GPATCH1: variants seen among roughly 807,000 people sequenced by gnomAD.
GPATCH1 encodes the protein G patch domain-containing protein 1.
GPATCH1 carries 73 observed loss-of-function variants against 114.9 expected under a neutral mutation model. The ratio of observed to expected loss-of-function variants is 0.64; its 90% CI spans 0.53 to 0.77. The LOEUF is 0.77. Among genes scored for constraint, GPATCH1 ranks in the 30% least tolerant of loss-of-function variants. The probability of loss-of-function intolerance (pLI) is 0.00; values close to 1 mark genes in which losing one functional copy is unlikely to be tolerated. For missense variants in GPATCH1, 1,058 were observed against 1,144.3 expected (o/e 0.92, Z 1.09); for synonymous variants, 391 against 428.4 (o/e 0.91, Z 1.08).
At chr19:33,083,597 A>G (rs7250177) in intron 1 of GPATCH1, among the ~76,000 whole-genome samples, 82,675 of 151,444 alleles carry the variant, frequency 0.55, 26,844 homozygotes, top group African/African-American at 0.88. Context: ...GTTTCGCCAT[A>G]TTGGCCAGGC....
At chr19:33,120,651 T>G in intron 17 of GPATCH1, among the ~76,000 whole-genome samples, 1 of 150,164 alleles carries the variant, frequency 6.7e-6, no homozygotes. Context: ...AGCCCAGTAG[T>G]CCGAGACAAG....
chr19:33,124,386 G>A (rs2145340999), intron 17 of GPATCH1, among the ~76,000 whole-genome samples: 1 of 151,998 alleles, frequency 6.6e-6, no homozygotes, highest in East Asian at 1.9e-4. Flanking sequence ...ATGTTGCCCA[G>A]GCTGGCCTTG....
At chr19:33,083,561 A>G in intron 1 of GPATCH1, among the ~76,000 whole-genome samples, 1 of 151,246 alleles carries the variant, frequency 6.6e-6, no homozygotes, top group East Asian at 2.0e-4. Flanking sequence ...CGCCTGGCTA[A>G]TTTTTGTATT....
At chr19:33,090,118 C>T (rs955979032) in intron 2 of GPATCH1, among the ~76,000 whole-genome samples, 3 of 152,182 alleles carry the variant, frequency 2.0e-5, no homozygotes, top group African/African-American at 7.2e-5. Flanking sequence ...AGGTTACAGA[C>T]ATATGTGACC....
intron 17 of GPATCH1, among the ~76,000 whole-genome samples, chr19:33,121,283 G>C (rs943810178): frequency 7.1e-6 from 1 of 141,298 alleles, no homozygotes; most frequent in African/African-American, 2.9e-5. Context: ...ACGCAGCCAA[G>C]CCTCCTTTTT....
chr19:33,099,830 G>C (rs1972705410), intron 8 of GPATCH1, among the ~76,000 whole-genome samples: 1 of 150,176 alleles, frequency 6.7e-6, no homozygotes, highest in South Asian at 2.1e-4. Context: ...GAGTGTAATG[G>C]CCTGATCTTG....
Position 33,095,851 on chromosome 19 carries a change from G to T in GPATCH1, c.612+31G>T. Reference sequence around the variant, plus strand: ...GCATGGTGTGACTGACCTTCACTTTGGTACAACAGCACCTGTTTCTGTATG... The same window carrying T: ...GCATGGTGTGACTGACCTTCACTTTTGTACAACAGCACCTGTTTCTGTATG... On this transcript the variant is annotated intron_variant, in intron 6 of 19. Coordinates refer to ENST00000170564, the MANE Select transcript of GPATCH1 (RefSeq NM_018025.3). 1.4e-6 allele frequency: 2 copies of T among 1,460,124 alleles called. 1 individual carries two copies. Among genetic ancestry groups the T allele is most frequent in the South Asian group, 2.3e-5 (2 of 87,108 alleles). The allele number at this position is 1,460,124 out of a possible 1,614,324, so 90.4% of individuals were successfully genotyped here.
intron 6 of GPATCH1, 143 bp downstream of exon 6, chr19:33,095,963 A>G (rs1183637584): frequency 1.3e-5 from 10 of 757,464 alleles, no homozygotes; most frequent in Non-Finnish European, 2.3e-5. Context: ...TATCCTCATT[A>G]TATCAGCATA....
rs553654136 is a variant in GPATCH1 at position 33,116,214 on chromosome 19, T to G, written c.2197-1611T>G. On this transcript the variant is annotated intron_variant, in intron 15 of 19. Transcript: ENST00000170564. ...ATATTACATGTACACACAATGAAAA[T>G]GCCATCAAACCAGTGGTGATCATTT... is the stretch of plus-strand genomic sequence containing the variant. Among the ~76,000 whole-genome samples the G allele has an allele frequency of 1.1e-4, 16 of 152,306 alleles. No homozygotes were observed. The South Asian group carries it at 1.2e-3, about 12-fold the overall frequency.
At position 33,101,127 on chromosome 19, in the gene GPATCH1, A is replaced by G. The variant is rs1193556695; in HGVS notation, c.1001-368A>G. On this transcript the variant is annotated intron_variant, in intron 8 of 19. Coordinates refer to ENST00000170564, the MANE Select transcript of GPATCH1 (RefSeq NM_018025.3). ...TGACGCTCTCACAGTTGTGATTTGT[A>G]TTTTCCTCCATGCTTGTCCTTTTGG... 3.9e-5 allele frequency among the ~76,000 whole-genome samples: 6 copies of G among 152,086 alleles called. No individual in the cohort carries two copies. The East Asian group carries it at 1.2e-3, about 29-fold the overall frequency.
chr19:33,111,757 CAG>C lies in GPATCH1; in HGVS notation c.1622_1623del (p.Glu541ValfsTer6), dbSNP rs2145328289. On this transcript the variant is annotated frameshift_variant, in exon 12 of 20. Coordinates refer to ENST00000170564, the MANE Select transcript of GPATCH1 (RefSeq NM_018025.3). LOFTEE classifies it high-confidence loss of function. ...GAACGCTGTCTGGACCCCAGCATGA[CAG>C]AGTGGGAGCGAGGCCGTGAGCGGGA... 1 of 1,614,102 alleles carries C rather than the reference CAG, an allele frequency of 6.2e-7. No homozygotes were observed. The highest frequency in any genetic ancestry group is 8.5e-7 in the Non-Finnish European group (1 of 1,180,020).
At position 33,107,918 on chromosome 19, in the gene GPATCH1, G is replaced by C. The variant is rs187816727; in HGVS notation, c.1285+1019G>C. 2.5e-3 allele frequency among the ~76,000 whole-genome samples: 372 copies of C among 151,690 alleles called. 8 individuals are homozygous for C. Among genetic ancestry groups the C allele is most frequent in the Non-Finnish European group, 2.4e-4 (16 of 67,926 alleles). Reference sequence around the variant, plus strand: ...CACAACGTGCAGGTTTGTTACATGTGTATACATGTGCCACGTTCGTGTGCT... The same window carrying C: ...CACAACGTGCAGGTTTGTTACATGTCTATACATGTGCCACGTTCGTGTGCT... On this transcript the variant is annotated intron_variant, in intron 10 of 19. Transcript: ENST00000170564.
intron 5 of GPATCH1, among the ~76,000 whole-genome samples, chr19:33,095,136 C>T (rs923608065): frequency 6.6e-6 from 1 of 152,066 alleles, no homozygotes; most frequent in Non-Finnish European, 1.5e-5. Context: ...CACTGTACTT[C>T]AGCCTGGGTG....
At chr19:33,088,355 T>A (rs78650243) in intron 2 of GPATCH1, 87 bp downstream of exon 2, 40 of 1,002,360 alleles carry the variant, frequency 4.0e-5, no homozygotes, top group South Asian at 2.9e-4. Context: ...TTTTTTTTTT[T>A]AATTTTGAGA....
chr19:33,088,240 AT>A lies in GPATCH1; in HGVS notation c.181del (p.Tyr61ThrfsTer45). 1 of 1,603,546 alleles carries A rather than the reference AT, an allele frequency of 6.2e-7. No homozygotes were observed. Among genetic ancestry groups the A allele is most frequent in the Non-Finnish European group, 8.5e-7 (1 of 1,175,222 alleles). ...GAFSGGFSAG[Y>X]FNTVGSKEGW... ...CCTTTAGTGGAGGTTTCTCTGCTGG[AT>A]ACTTCAATACTGTTGGCTCAAAAGA... is the stretch of plus-strand genomic sequence containing the variant. On this transcript the variant is annotated frameshift_variant, in exon 2 of 20. Coordinates refer to ENST00000170564, the MANE Select transcript of GPATCH1 (RefSeq NM_018025.3). LOFTEE classifies it high-confidence loss of function.
At chr19:33,093,670 GCA>G in intron 4 of GPATCH1, 151 bp downstream of exon 4, 1 of 730,384 alleles carries the variant, frequency 1.4e-6, no homozygotes, top group Non-Finnish European at 2.3e-6. Context: ...AAAGGATCTT[GCA>G]CTGTCATTGC....
At chr19:33,089,750 A>G (rs962600979) in intron 2 of GPATCH1, among the ~76,000 whole-genome samples, 3 of 151,438 alleles carry the variant, frequency 2.0e-5, no homozygotes, top group Admixed American at 2.0e-4. Flanking sequence ...CCTCCCGAGT[A>G]GCTAGGACTA....
chr19:33,097,342 C>A (rs1363700909), intron 7 of GPATCH1, among the ~76,000 whole-genome samples: 1 of 152,180 alleles, frequency 6.6e-6, no homozygotes, highest in Non-Finnish European at 1.5e-5. Context: ...GTTCTTCCAG[C>A]GGGCAGTAGA....
intron 17 of GPATCH1, among the ~76,000 whole-genome samples, chr19:33,122,106 C>T (rs995156246): frequency 6.6e-6 from 1 of 151,878 alleles, no homozygotes; most frequent in Non-Finnish European, 1.5e-5. Flanking sequence ...GCATCCTCCA[C>T]CTCCCAAGTT....
Sources: gnomAD v4.1 joint callset for allele counts (sites outside exome capture counted in the v4.1 genomes callset) on GRCh38, gnomAD v4.1.1 for gene constraint, MANE v1.5 for transcripts, NCBI Gene and HGNC (gene_info 2026-07-23, HGNC 2026-07-21) for gene names.